Variants in TNFRSF14 observed in about 807,000 individuals in gnomAD.
TNFRSF14 encodes tumor necrosis factor receptor superfamily member 14.
TNFRSF14 carries 18 observed loss-of-function variants against 34.1 expected under a neutral mutation model. That is an observed-to-expected ratio of 0.53 (90% confidence interval 0.36 to 0.78). TNFRSF14 has a LOEUF of 0.78. TNFRSF14 is among the 30% of genes least tolerant of loss of function. The probability of loss-of-function intolerance (pLI) is 0.00; values close to 1 mark genes in which losing one functional copy is unlikely to be tolerated. For synonymous variants in TNFRSF14, 157 were observed against 153.2 expected (o/e 1.02, Z -0.18); for missense variants, 352 against 379.5 (o/e 0.93, Z 0.60).
chr1:2,557,308 C>A (rs1644230526), intron 1 of TNFRSF14, among the ~76,000 whole-genome samples: 1 of 152,244 alleles, frequency 6.6e-6, no homozygotes, highest in Non-Finnish European at 1.5e-5. Flanking sequence ...GCCTGTCACC[C>A]ACTGTCTGGC....
At chr1:2,562,488 C>T (rs986067687) in intron 6 of TNFRSF14, 8 of 380,012 alleles carry the variant, frequency 2.1e-5, no homozygotes, top group African/African-American at 6.4e-5. Flanking sequence ...TAGGGTAGGC[C>T]GGGCAGCAGC....
At position 2,561,649 on chromosome 1, in the gene TNFRSF14, A is replaced by G. The variant is rs1333355083; in HGVS notation, c.552-24A>G. On this transcript the variant is annotated intron_variant, in intron 5 of 7. Transcript: ENST00000355716. This position sits in a 1 kb window ranked among gnomAD's most constrained non-coding sequence, Gnocchi z 6.0. Reference sequence around the variant, plus strand: ...ACTGGGCGCTGCACCTGCCTCTCCCACGTCCTCGGCCCCACTCCCGCAGGT... The same window carrying G: ...ACTGGGCGCTGCACCTGCCTCTCCCGCGTCCTCGGCCCCACTCCCGCAGGT... 1.2e-6 allele frequency: 2 copies of G among 1,611,780 alleles called. No homozygotes were observed. The highest frequency in any genetic ancestry group is 1.7e-6 in the Non-Finnish European group (2 of 1,179,430).
In TNFRSF14 at chr1:2,559,416, G is replaced by A. The variant is rs1349042526; in HGVS notation, c.305-407G>A. 16 of 1,389,614 alleles carry A rather than the reference G, an allele frequency of 1.2e-5. No individual in the cohort carries two copies. The East Asian group carries it at 4.0e-4, about 35-fold the overall frequency. The allele number at this position is 1,389,614 out of a possible 1,614,324, so 86.1% of individuals were successfully genotyped here. ...TGGGGCTCTCACCCTACCTGCCTCTGCCATTGGAATGGCCTGGTTTGCACA... is the reference window on the plus strand; with the variant it reads ...TGGGGCTCTCACCCTACCTGCCTCTACCATTGGAATGGCCTGGTTTGCACA... On this transcript the variant is annotated intron_variant, in intron 3 of 7. Transcript: ENST00000355716.
At chr1:2,557,104 C>T in intron 1 of TNFRSF14, 1 of 298,242 alleles carries the variant, frequency 3.4e-6, no homozygotes. Context: ...GCAGCCCTGA[C>T]CTTGGTGACA....
chr1:2,559,097 G>C (rs768122093), intron 3 of TNFRSF14: 5 of 1,367,228 alleles, frequency 3.7e-6, no homozygotes, highest in Admixed American at 2.2e-5. Context: ...CTGCACCTGC[G>C]GGACAGGGCT....
chr1:2,558,886 G>T (rs1320036229), intron 3 of TNFRSF14: 1 of 1,339,332 alleles, frequency 7.5e-7, no homozygotes, highest in Non-Finnish European at 9.8e-7. Flanking sequence ...TCCAGATATT[G>T]GTTCCCCCTG....
chr1:2,558,683 G>A (rs556196748), intron 3 of TNFRSF14: 14 of 1,129,996 alleles, frequency 1.2e-5, no homozygotes, highest in South Asian at 9.5e-5. Context: ...CTTTGTCACC[G>A]CCAGGTGGGC....
At chr1:2,556,229 G>A (rs1186025521), upstream of TNFRSF14, 7 of 454,528 alleles carry the variant, frequency 1.5e-5, no homozygotes, top group Non-Finnish European at 2.9e-5. Context: ...GCGCCCCGGG[G>A]AGCAGCCGAG....
At chr1:2,558,916 CA>C in intron 3 of TNFRSF14, 6 of 1,362,028 alleles carry the variant, frequency 4.4e-6, no homozygotes, top group Non-Finnish European at 5.8e-6. Context: ...GGGAAGAGGT[CA>C]CCTGGAGGCT....
At chr1:2,558,720 A>G (rs1411330931) in intron 3 of TNFRSF14, 4 of 1,123,874 alleles carry the variant, frequency 3.6e-6, no homozygotes, top group Non-Finnish European at 4.9e-6. Flanking sequence ...ACTGACCCTT[A>G]TCCCTCGTCC....
intron 1 of TNFRSF14, 100 bp downstream of exon 1, chr1:2,556,833 T>C: frequency 7.8e-7 from 1 of 1,279,160 alleles, no homozygotes. Context: ...TGGCCGTTGC[T>C]GGCTCCGGCG....
Sources: allele counts gnomAD v4.1 joint callset (sites outside exome capture counted in the v4.1 genomes callset), GRCh38; gene constraint gnomAD v4.1.1; non-coding constraint Gnocchi (gnomAD v3.1); transcripts MANE v1.5; gene names NCBI Gene and HGNC (gene_info 2026-07-23, HGNC 2026-07-21).